Variants in MYOZ2 observed in about 807,000 individuals in gnomAD.
MYOZ2 encodes myozenin-2.
A neutral mutation model predicts 25.4 loss-of-function variants in MYOZ2; 19 were observed. The ratio of observed to expected loss-of-function variants is 0.75; its 90% CI spans 0.52 to 1.10. The LOEUF (loss-of-function observed/expected upper bound fraction) is 1.10, where lower values mean the gene tolerates loss of function less well. MYOZ2 is among the 50% of genes least tolerant of loss of function. MYOZ2 has a pLI of 0.00. For missense variants in MYOZ2, 270 were observed against 317.9 expected, an observed-to-expected ratio of 0.85 and a Z score of 1.15; for synonymous variants, 92 against 106.9, an observed-to-expected ratio of 0.86 and a Z score of 0.86.
intron 4 of MYOZ2, among the ~76,000 whole-genome samples, chr4:119,163,002 A>G (rs1741744084): frequency 6.6e-6 from 1 of 152,216 alleles, no homozygotes; most frequent in Non-Finnish European, 1.5e-5. Context: ...AAAAGTCAGA[A>G]TTATCAATAC....
At chr4:119,183,529 G>C (rs1160323126) in intron 5 of MYOZ2, among the ~76,000 whole-genome samples, 1 of 152,070 alleles carries the variant, frequency 6.6e-6, no homozygotes, top group Non-Finnish European at 1.5e-5. Flanking sequence ...CTGCATGATT[G>C]ACCTCTCCAC....
intron 5 of MYOZ2, among the ~76,000 whole-genome samples, chr4:119,169,988 GT>G (rs2149226996): frequency 6.6e-6 from 1 of 152,122 alleles, no homozygotes; most frequent in South Asian, 2.1e-4. Flanking sequence ...ATTTTTTGTT[GT>G]TGTTGTCATG....
intron 5 of MYOZ2, among the ~76,000 whole-genome samples, chr4:119,179,395 T>G (rs1742142222): frequency 6.6e-6 from 1 of 152,230 alleles, no homozygotes; most frequent in Non-Finnish European, 1.5e-5. Context: ...TCCTGAAAAT[T>G]TATTTAAATA....
intron 2 of MYOZ2, among the ~76,000 whole-genome samples, chr4:119,141,330 A>G (rs1474298110): frequency 1.3e-5 from 2 of 152,190 alleles, no homozygotes; most frequent in African/African-American, 4.8e-5. Context: ...TGAAGTTCTC[A>G]GTATAAATGA....
intron 5 of MYOZ2, among the ~76,000 whole-genome samples, chr4:119,169,980 T>A (rs548982769): frequency 6.4e-4 from 97 of 152,286 alleles, no homozygotes; most frequent in Non-Finnish European, 1.1e-3. Flanking sequence ...AAAAAAATAT[T>A]TTTTGTTGTT....
Position 119,147,516 on chromosome 4 carries a change from G to A in MYOZ2, c.77-3356G>A, listed in dbSNP as rs1321844905. ...AGCACTTTGGGAGACCGAGGTGGGC[G>A]GATCACTTGAGGTCAGGAGTTCGAG... On this transcript the variant is annotated intron_variant, in intron 2 of 5. Transcript: ENST00000307128. Among the ~76,000 whole-genome samples the A allele has an allele frequency of 5.3e-5, 8 of 152,010 alleles. No individual in the cohort carries two copies. In the East Asian group the frequency reaches 1.2e-3, roughly 22 times the overall value.
At chr4:119,136,685 T>G (rs1944858355) in intron 2 of MYOZ2, 84 bp downstream of exon 2, 1 of 1,378,916 alleles carries the variant, frequency 7.3e-7, no homozygotes, top group South Asian at 1.2e-5. Flanking sequence ...TTCCATAGTT[T>G]ACTTCCTTTA....
At chr4:119,184,912 G>A (rs1225026930) in intron 5 of MYOZ2, among the ~76,000 whole-genome samples, 1 of 152,110 alleles carries the variant, frequency 6.6e-6, no homozygotes, top group East Asian at 1.9e-4. Flanking sequence ...TCAATACAAA[G>A]CACCATTTCA....
In MYOZ2 at chr4:119,136,534, A is replaced by T; in HGVS notation, c.9A>T (p.Ser3=). 1 of 1,613,510 alleles carries T rather than the reference A, an allele frequency of 6.2e-7. No homozygotes were observed. Among genetic ancestry groups the T allele is most frequent in the Non-Finnish European group, 8.5e-7 (1 of 1,179,562 alleles). ...CAGGGAACAAAAAAACCATGCTATCACATAATACTATGATGAAGCAGAGAA... is the reference window on the plus strand; with the variant it reads ...CAGGGAACAAAAAAACCATGCTATCTCATAATACTATGATGAAGCAGAGAA... ML[S]HNTMMKQRKQ... The change falls in exon 2 of 6, where the codon TCA becomes TCT. Residue 3 remains serine, a synonymous_variant. Transcript: ENST00000307128.
chr4:119,173,858 C>A (rs1578743701), intron 5 of MYOZ2, among the ~76,000 whole-genome samples: 1 of 152,322 alleles, frequency 6.6e-6, no homozygotes, highest in Non-Finnish European at 1.5e-5. Flanking sequence ...TGGGCATGGG[C>A]TTGGCGGGCC....
At chr4:119,172,203 C>T (rs946994540) in intron 5 of MYOZ2, among the ~76,000 whole-genome samples, 1 of 152,182 alleles carries the variant, frequency 6.6e-6, no homozygotes, top group East Asian at 1.9e-4. Flanking sequence ...AGGCTTGTAA[C>T]CCCCCAAAGG....
intron 5 of MYOZ2, among the ~76,000 whole-genome samples, chr4:119,170,129 A>G (rs1451766486): frequency 6.6e-6 from 1 of 152,080 alleles, no homozygotes; most frequent in Non-Finnish European, 1.5e-5. Flanking sequence ...ATAACTCTCC[A>G]TCTGGTAAAA....
chr4:119,177,098 T>C (rs189889742), intron 5 of MYOZ2, among the ~76,000 whole-genome samples: 15 of 152,342 alleles, frequency 9.8e-5, no homozygotes, highest in Non-Finnish European at 1.2e-4. Flanking sequence ...TCAATAATGC[T>C]TCAGTTCCAC....
chr4:119,156,532 A>C (rs932051450), intron 3 of MYOZ2, among the ~76,000 whole-genome samples: 1 of 152,082 alleles, frequency 6.6e-6, no homozygotes, highest in Non-Finnish European at 1.5e-5. Context: ...TAAAGTCATA[A>C]TATTTTTGCT....
At chr4:119,178,200 C>T (rs1171366042) in intron 5 of MYOZ2, among the ~76,000 whole-genome samples, 1 of 152,212 alleles carries the variant, frequency 6.6e-6, no homozygotes, top group Non-Finnish European at 1.5e-5. Flanking sequence ...CCAGATCTTT[C>T]TCCTTCTCAG....
intron 5 of MYOZ2, among the ~76,000 whole-genome samples, chr4:119,170,460 A>C (rs1741925899): frequency 6.6e-6 from 1 of 152,130 alleles, no homozygotes; most frequent in Non-Finnish European, 1.5e-5. Context: ...TGATATGTGT[A>C]GTCCTTTCCA....
intron 5 of MYOZ2, among the ~76,000 whole-genome samples, chr4:119,179,506 TC>T (rs1208493338): frequency 6.6e-6 from 1 of 152,170 alleles, no homozygotes; most frequent in African/African-American, 2.4e-5. Flanking sequence ...CTCTTTTTTT[TC>T]ATTACCTTAT....
intron 5 of MYOZ2, among the ~76,000 whole-genome samples, chr4:119,169,447 A>G (rs1329995158): frequency 6.6e-6 from 1 of 152,254 alleles, no homozygotes. Flanking sequence ...ATGGCAGACT[A>G]CTTTATATCA....
Position 119,158,170 on chromosome 4 carries a change from A to G in MYOZ2, c.376+19A>G. The G allele has an allele frequency of 6.2e-7, 1 of 1,613,738 alleles. No homozygotes were observed. Among genetic ancestry groups the G allele is most frequent in the Middle Eastern group, 1.7e-4 (1 of 6,060 alleles). On this transcript the variant is annotated intron_variant, in intron 4 of 5. Transcript: ENST00000307128. The stretch of plus-strand genomic sequence containing the variant: ...GCTCCAGGTAACCAATCCCCTTACC[A>G]ACAGAGCAATAAAATTTCTGTGTAC...
Sources: gnomAD v4.1 joint callset for allele counts (sites outside exome capture counted in the v4.1 genomes callset) on GRCh38, gnomAD v4.1.1 for gene constraint, MANE v1.5 for transcripts, NCBI Gene and HGNC (gene_info 2026-07-23, HGNC 2026-07-21) for gene names.